Variants in SRRM4 observed in about 807,000 individuals in gnomAD.
The protein encoded by SRRM4 is serine/arginine repetitive matrix 4.
Under a neutral mutation model 68.9 loss-of-function variants are expected in SRRM4, and 33 were observed. The observed-to-expected ratio is 0.48, with a 90% CI of 0.36 to 0.64. The LOEUF (loss-of-function observed/expected upper bound fraction) is 0.64. Among genes scored for constraint, SRRM4 ranks in the 30% least tolerant of loss-of-function variants. The pLI is 0.00. For missense variants in SRRM4, 817 were observed against 827.1 expected (o/e 0.99, Z 0.15); for synonymous variants, 318 against 318.8 (o/e 1.00, Z 0.03).
At chr12:119,066,505 G>T (rs1953846751) in intron 1 of SRRM4, among the ~76,000 whole-genome samples, 1 of 152,210 alleles carries the variant, frequency 6.6e-6, no homozygotes, top group African/African-American at 2.4e-5. Flanking sequence ...TTAGAAATGT[G>T]AATCCTTGGT....
chr12:119,115,245 CTGTT>C (rs1368262746), intron 3 of SRRM4, among the ~76,000 whole-genome samples: 5 of 151,960 alleles, frequency 3.3e-5, no homozygotes, highest in Admixed American at 6.6e-5. Flanking sequence ...GGGAGGGGTG[CTGTT>C]TGTTTGTTTG....
intron 1 of SRRM4, chr12:119,001,517 G>C (rs746218480): frequency 5.3e-5 from 8 of 152,214 alleles, no homozygotes; most frequent in Non-Finnish European, 1.2e-4. Flanking sequence ...ATGAGTGGAA[G>C]AGGGCAGGAA....
intron 1 of SRRM4, among the ~76,000 whole-genome samples, chr12:118,996,551 CT>C (rs1442214101): frequency 2.0e-5 from 3 of 152,212 alleles, no homozygotes; most frequent in Admixed American, 2.0e-4. Flanking sequence ...GGTAAAGTGA[CT>C]TGCCCAAGGT....
intron 1 of SRRM4, among the ~76,000 whole-genome samples, chr12:119,100,066 T>G (rs1020175757): frequency 6.6e-6 from 1 of 152,196 alleles, no homozygotes; most frequent in Non-Finnish European, 1.5e-5. Context: ...AATTTTAAGA[T>G]TAGTCCTGAA....
At chr12:119,051,064 G>A (rs995795068) in intron 1 of SRRM4, among the ~76,000 whole-genome samples, 1 of 152,088 alleles carries the variant, frequency 6.6e-6, no homozygotes, top group Non-Finnish European at 1.5e-5. Context: ...TTTGGTAGTG[G>A]TTGGAGGTGT....
intron 1 of SRRM4, among the ~76,000 whole-genome samples, chr12:119,069,225 C>T (rs1171879844): frequency 6.6e-6 from 1 of 152,172 alleles, no homozygotes; most frequent in African/African-American, 2.4e-5. Flanking sequence ...ACCGGGGGTT[C>T]CTGCCCCTGG....
intron 6 of SRRM4, 56 bp from the exon 7 acceptor site, chr12:119,125,325 C>T: frequency 1.3e-6 from 2 of 1,494,290 alleles, no homozygotes; most frequent in Non-Finnish European, 1.9e-6. Flanking sequence ...CTCTCACTCT[C>T]CCTTTTTTAC....
intron 1 of SRRM4, among the ~76,000 whole-genome samples, chr12:119,034,123 G>C (rs1217323035): frequency 6.6e-6 from 1 of 152,208 alleles, no homozygotes; most frequent in Non-Finnish European, 1.5e-5. Flanking sequence ...GTAGGACTGG[G>C]CAGAGGGAGA....
At chr12:119,037,456 T>TA (rs993663528) in intron 1 of SRRM4, among the ~76,000 whole-genome samples, 1 of 152,192 alleles carries the variant, frequency 6.6e-6, no homozygotes, top group Non-Finnish European at 1.5e-5. Context: ...TTGAATTTTT[T>TA]ATGGATGCCT....
intron 1 of SRRM4, among the ~76,000 whole-genome samples, chr12:118,989,140 G>A (rs987700616): frequency 6.6e-6 from 1 of 152,108 alleles, no homozygotes; most frequent in Non-Finnish European, 1.5e-5. Flanking sequence ...GGGGCAGGAG[G>A]TGGTCCCAGG....
At chr12:119,129,224 AACTGCTTC>A (rs1258901986) in intron 7 of SRRM4, among the ~76,000 whole-genome samples, 1 of 109,272 alleles carries the variant, frequency 9.2e-6, no homozygotes, top group African/African-American at 3.2e-5. Flanking sequence ...AAAACTGTGA[AACTGCTTC>A]GAGAGGTGTA....
Position 119,021,444 on chromosome 12 carries a change from C to T in SRRM4, c.131+39431C>T, listed in dbSNP as rs1953515072. 2.6e-5 allele frequency among the ~76,000 whole-genome samples: 4 copies of T among 152,122 alleles called. 1 individual carries two copies. The South Asian group carries it at 8.3e-4, about 32-fold the overall frequency. On this transcript the variant is annotated intron_variant, in intron 1 of 12. Coordinates refer to ENST00000267260, the MANE Select transcript of SRRM4 (RefSeq NM_194286.4). ...AGGGTAGGGGTTCAGAGAATAAGAA[C>T]ACATAGGACTCCTTGAGTCAGATAG...
At chr12:118,994,234 C>T (rs542035545) in intron 1 of SRRM4, 8 of 152,356 alleles carry the variant, frequency 5.3e-5, no homozygotes, top group African/African-American at 1.4e-4. Flanking sequence ...CACCCCAGAA[C>T]ACTGGCTGTT....
intron 1 of SRRM4, among the ~76,000 whole-genome samples, chr12:119,011,300 G>T (rs185334028): frequency 6.6e-6 from 1 of 152,222 alleles, no homozygotes; most frequent in Non-Finnish European, 1.5e-5. Flanking sequence ...TTCAACCTTG[G>T]CACTACTGAC....
intron 1 of SRRM4, among the ~76,000 whole-genome samples, chr12:119,018,911 AC>A (rs1160200546): frequency 6.6e-6 from 1 of 152,114 alleles, no homozygotes; most frequent in Non-Finnish European, 1.5e-5. Flanking sequence ...GCAATCACTC[AC>A]CCCCAGGAGT....
intron 8 of SRRM4, among the ~76,000 whole-genome samples, chr12:119,136,852 C>G (rs1387140842): frequency 1.3e-5 from 2 of 151,998 alleles, no homozygotes; most frequent in African/African-American, 4.8e-5. Flanking sequence ...AATAAGGAGG[C>G]CAGACCACCT....
chr12:119,121,124 G>A (rs1338845568), intron 5 of SRRM4, among the ~76,000 whole-genome samples: 2 of 152,196 alleles, frequency 1.3e-5, no homozygotes, highest in African/African-American at 2.4e-5. Flanking sequence ...CAGCAGCTAA[G>A]AAGCAGAGGC....
intron 1 of SRRM4, among the ~76,000 whole-genome samples, chr12:119,060,482 C>G (rs1224747068): frequency 6.6e-6 from 1 of 151,024 alleles, no homozygotes; most frequent in South Asian, 2.2e-4. Flanking sequence ...CACATTCACA[C>G]TCATTTACAC....
chr12:119,147,071 A>G (rs187833304), intron 9 of SRRM4, among the ~76,000 whole-genome samples: 5 of 152,380 alleles, frequency 3.3e-5, no homozygotes, highest in Admixed American at 2.0e-4. Context: ...AATATCCTTC[A>G]GTACGTGAAT....
Sources: gnomAD v4.1 joint callset for allele counts (sites outside exome capture counted in the v4.1 genomes callset) on GRCh38, gnomAD v4.1.1 for gene constraint, MANE v1.5 for transcripts, NCBI Gene and HGNC (gene_info 2026-07-23, HGNC 2026-07-21) for gene names.